The following ADAMTS17 variants were observed in gnomAD, a reference collection of about 807,000 sequenced individuals.
The protein encoded by ADAMTS17 is ADAM metallopeptidase with thrombospondin type 1 motif 17.
ADAMTS17 carries 113 observed loss-of-function variants against 141.5 expected under a neutral mutation model. The observed-to-expected ratio is 0.80, with a 90% CI of 0.69 to 0.93. The LOEUF (loss-of-function observed/expected upper bound fraction) is 0.93. Ranked by LOEUF, ADAMTS17 falls within the 40% of genes least tolerant of loss-of-function variation. The pLI is 0.00. For synonymous variants in ADAMTS17, 768 were observed against 630.6 expected, an observed-to-expected ratio of 1.22 and a Z score of -3.27; for missense variants, 1,659 against 1,517.9, an observed-to-expected ratio of 1.09 and a Z score of -1.54.
chr15:100,138,173 C>A (rs1229373942), intron 10 of ADAMTS17, among the ~76,000 whole-genome samples: 1 of 152,004 alleles, frequency 6.6e-6, no homozygotes, highest in East Asian at 1.9e-4. Context: ...TAGAAGCAGC[C>A]CCTTTTCAGA....
At position 100,190,493 on chromosome 15, in the gene ADAMTS17, GTTGGGTTTT is replaced by G. The variant is rs1329140421; in HGVS notation, c.1181+8816_1181+8824del. On this transcript the variant is annotated intron_variant, in intron 8 of 21. Coordinates refer to ENST00000268070, the MANE Select transcript of ADAMTS17 (RefSeq NM_139057.4). ...TTCAGGTTTCTTCCAGAGGCCACAG[GTTGGGTTTT>G]CCAGAGGCCACAGGTTGGGCCTGTC... 1.4e-3 allele frequency among the ~76,000 whole-genome samples: 215 copies of G among 151,762 alleles called. 1 individual carries two copies. The highest frequency in any genetic ancestry group is 4.8e-3 in the African/African-American group (198 of 41,060).
At chr15:100,304,433 T>G (rs1284165394) in intron 3 of ADAMTS17, among the ~76,000 whole-genome samples, 1 of 152,228 alleles carries the variant, frequency 6.6e-6, no homozygotes, top group African/African-American at 2.4e-5. Flanking sequence ...GTAAATTCAT[T>G]CTGACTACAA....
At chr15:100,235,130 T>C (rs1475473946) in intron 7 of ADAMTS17, among the ~76,000 whole-genome samples, 2 of 151,988 alleles carry the variant, frequency 1.3e-5, no homozygotes, top group East Asian at 1.9e-4. Flanking sequence ...CACGATGAGA[T>C]AGGATGCAGG....
intron 18 of ADAMTS17, among the ~76,000 whole-genome samples, chr15:100,032,263 T>C (rs1259163966): frequency 6.6e-6 from 1 of 152,142 alleles, no homozygotes; most frequent in Non-Finnish European, 1.5e-5. Context: ...GGGTAGAAAG[T>C]GTGCTTGTCT....
intron 12 of ADAMTS17, among the ~76,000 whole-genome samples, chr15:100,122,651 T>C (rs747536820): frequency 7.2e-5 from 11 of 152,194 alleles, no homozygotes; most frequent in Non-Finnish European, 1.3e-4. Flanking sequence ...ATAATTAACA[T>C]GTTTTGTAGG....
intron 8 of ADAMTS17, among the ~76,000 whole-genome samples, chr15:100,158,504 A>T (rs2039541094): frequency 6.6e-6 from 1 of 152,182 alleles, no homozygotes; most frequent in Admixed American, 6.5e-5. Context: ...CTTACAATAC[A>T]GTATTGCGGA....
At chr15:100,316,347 C>A (rs2045565202) in intron 3 of ADAMTS17, among the ~76,000 whole-genome samples, 2 of 152,206 alleles carry the variant, frequency 1.3e-5, no homozygotes, top group African/African-American at 4.8e-5. Context: ...TTGGCCTGCA[C>A]AGGAGCATCT....
At chr15:100,119,791 T>C (rs1485241301) in intron 12 of ADAMTS17, among the ~76,000 whole-genome samples, 7 of 152,258 alleles carry the variant, frequency 4.6e-5, no homozygotes, top group Non-Finnish European at 1.5e-5. Flanking sequence ...AGTCTCTGTG[T>C]GGCCCCTTAT....
In ADAMTS17 at chr15:99,973,714, G is replaced by C. The variant is rs1473755690; in HGVS notation, c.*688C>G. The stretch of plus-strand genomic sequence containing the variant: ...GCTTCCCCAAACCCAGACTCTCTTG[G>C]AACATTCTTCCCATGCGGGTGGTAT... On this transcript the variant is annotated 3_prime_UTR_variant, in exon 22 of 22. Coordinates refer to ENST00000268070, the MANE Select transcript of ADAMTS17 (RefSeq NM_139057.4). The C allele has an allele frequency of 4.5e-5, 7 of 156,386 alleles. No homozygotes were observed. Among genetic ancestry groups the C allele is most frequent in the Admixed American group, 2.5e-4 (4 of 16,266 alleles). 9.7% of individuals were successfully genotyped at this position (156,386 alleles called of 1,614,324 possible).
At chr15:100,259,536 AT>A (rs1358371097) in intron 6 of ADAMTS17, among the ~76,000 whole-genome samples, 1 of 152,210 alleles carries the variant, frequency 6.6e-6, no homozygotes, top group Non-Finnish European at 1.5e-5. Flanking sequence ...GGTCATGTTC[AT>A]CCCTTGGTCC....
chr15:100,130,639 C>G (rs578109451), intron 12 of ADAMTS17, among the ~76,000 whole-genome samples: 1 of 152,234 alleles, frequency 6.6e-6, no homozygotes, highest in African/African-American at 2.4e-5. Flanking sequence ...GTGATTTGAT[C>G]AGTCTGGGGT....
At chr15:100,111,297 G>C (rs183660756) in intron 13 of ADAMTS17, among the ~76,000 whole-genome samples, 3 of 152,358 alleles carry the variant, frequency 2.0e-5, no homozygotes, top group Admixed American at 1.3e-4. Flanking sequence ...AGGTCTGATG[G>C]GAGCTGTCGG....
At chr15:100,207,268 A>G (rs1470890787) in intron 7 of ADAMTS17, among the ~76,000 whole-genome samples, 1 of 152,208 alleles carries the variant, frequency 6.6e-6, no homozygotes, top group Non-Finnish European at 1.5e-5. Context: ...GTGAGAAGGC[A>G]GCTGTCGACA....
intron 8 of ADAMTS17, among the ~76,000 whole-genome samples, chr15:100,197,119 G>A (rs897324543): frequency 7.9e-5 from 12 of 152,248 alleles, no homozygotes; most frequent in South Asian, 6.2e-4. Flanking sequence ...TGTTTGATCC[G>A]GCACACTCGA....
In ADAMTS17 at chr15:100,109,046, C is replaced by T. The variant is rs1282699436; in HGVS notation, c.1959G>A (p.Leu653=). The part of the protein sequence containing the change: ...ESPLLVADRV[L]DGTPCGPYET... ...CGTAGGGCCCGCAGGGTGTACCGTC[C>T]AGGACCCTGTCGGCCACCAGCAGTG... is the stretch of plus-strand genomic sequence containing the variant. The change falls in exon 14 of 22, where the codon CTG becomes CTA. Residue 653 remains leucine (L), a synonymous_variant. Coordinates refer to ENST00000268070, the MANE Select transcript of ADAMTS17 (RefSeq NM_139057.4). The T allele has an allele frequency of 6.2e-7, 1 of 1,613,990 alleles. No individual in the cohort carries two copies. The highest frequency in any genetic ancestry group is 8.5e-7 in the Non-Finnish European group (1 of 1,180,046).
chr15:100,105,423 TAGAC>T (rs1490028183), intron 14 of ADAMTS17, among the ~76,000 whole-genome samples: 7 of 152,100 alleles, frequency 4.6e-5, no homozygotes, highest in Admixed American at 1.3e-4. Flanking sequence ...GCACTGGAAA[TAGAC>T]AGGCTGGTCC....
intron 8 of ADAMTS17, among the ~76,000 whole-genome samples, chr15:100,171,921 G>C (rs1035477395): frequency 2.0e-5 from 3 of 152,188 alleles, no homozygotes; most frequent in Non-Finnish European, 2.9e-5. Flanking sequence ...GGCTGGGAGT[G>C]CCTGAGAGCA....
At chr15:100,305,527 A>G (rs2141834146) in intron 3 of ADAMTS17, among the ~76,000 whole-genome samples, 1 of 152,352 alleles carries the variant, frequency 6.6e-6, no homozygotes, top group East Asian at 1.9e-4. Flanking sequence ...GTCCCATCTC[A>G]GATCAGCTGC....
chr15:100,247,198 C>T (rs1211199099), intron 7 of ADAMTS17, among the ~76,000 whole-genome samples: 1 of 152,088 alleles, frequency 6.6e-6, no homozygotes, highest in Non-Finnish European at 1.5e-5. Context: ...GAAGACTATA[C>T]TTCTAACACA....
Sources: allele counts gnomAD v4.1 joint callset (sites outside exome capture counted in the v4.1 genomes callset), GRCh38; gene constraint gnomAD v4.1.1; transcripts MANE v1.5; gene names NCBI Gene and HGNC (gene_info 2026-07-23, HGNC 2026-07-21).